Variants in ZNF407 observed in about 807,000 individuals in gnomAD.
The protein encoded by ZNF407 is zinc finger protein 407.
Under a neutral mutation model 131.2 loss-of-function variants are expected in ZNF407, and 17 were observed. The observed-to-expected ratio is 0.13, with a 90% CI of 0.09 to 0.19. The LOEUF (loss-of-function observed/expected upper bound fraction) is 0.19. ZNF407 is among the 10% of genes least tolerant of loss of function. The pLI, the probability that ZNF407 is intolerant of heterozygous loss-of-function variation, is 1.00. For synonymous variants in ZNF407, 1,156 were observed against 1,062.0 expected, an observed-to-expected ratio of 1.09 and a Z score of -1.72; for missense variants, 2,681 against 2,830.6, an observed-to-expected ratio of 0.95 and a Z score of 1.20.
intron 8 of ZNF407, among the ~76,000 whole-genome samples, chr18:74,985,555 G>A (rs986715386): frequency 5.3e-5 from 8 of 152,198 alleles, no homozygotes; most frequent in African/African-American, 1.9e-4. Flanking sequence ...AGGAAAGCCA[G>A]TCTTCCAACT....
chr18:74,841,445 T>C (rs979645401), intron 4 of ZNF407, among the ~76,000 whole-genome samples: 2 of 152,132 alleles, frequency 1.3e-5, no homozygotes, highest in South Asian at 2.1e-4. Flanking sequence ...GAATTTAAAG[T>C]TGGCGGTACT....
Position 75,048,299 on chromosome 18 carries a change from G to T in ZNF407, c.5429-14851G>T, listed in dbSNP as rs1205696535. Among the ~76,000 whole-genome samples, 1 of 152,186 alleles carries T rather than the reference G, an allele frequency of 6.6e-6. No individual in the cohort carries two copies. The highest frequency in any genetic ancestry group is 2.1e-4 in the South Asian group (1 of 4,826). On this transcript the variant is annotated intron_variant, in intron 8 of 8. Transcript: ENST00000299687. This position sits in a 1 kb window ranked among gnomAD's most constrained non-coding sequence, Gnocchi z 4.1. ...CAGAGGCCTAATTTTTGTCTACATG[G>T]TATTTCTTTTTGGCATTTGCCATGG...
Position 74,826,847 on chromosome 18 carries a change from C to T in ZNF407, c.4877+45345C>T, listed in dbSNP as rs148933205. 3.0e-4 allele frequency among the ~76,000 whole-genome samples: 46 copies of T among 152,322 alleles called. 1 individual carries two copies. In the East Asian group the frequency reaches 8.9e-3, roughly 29 times the overall value. ...AATTCCCCGTCTCTGTGCTGTGGAA[C>T]AGGGCAGACAAGATCATTTTCAAAC... On this transcript the variant is annotated intron_variant, in intron 4 of 8. Coordinates refer to ENST00000299687, the MANE Select transcript of ZNF407 (RefSeq NM_017757.3).
At chr18:74,763,474 T>G (rs1410794651) in intron 3 of ZNF407, among the ~76,000 whole-genome samples, 1 of 151,512 alleles carries the variant, frequency 6.6e-6, no homozygotes, top group Non-Finnish European at 1.5e-5. Flanking sequence ...AGTTTTGCTT[T>G]TTGTGTAATA....
At chr18:74,752,806 C>T (rs529072526) in intron 3 of ZNF407, among the ~76,000 whole-genome samples, 27 of 152,228 alleles carry the variant, frequency 1.8e-4, no homozygotes, top group Admixed American at 1.8e-3. Context: ...AGCTAGGTAG[C>T]GTGATGCCTC....
chr18:74,715,981 C>G (rs985202856), intron 3 of ZNF407, among the ~76,000 whole-genome samples: 1 of 152,136 alleles, frequency 6.6e-6, no homozygotes, highest in Non-Finnish European at 1.5e-5. Context: ...TCCATTATTT[C>G]CCATCCGTAA....
intron 1 of ZNF407, among the ~76,000 whole-genome samples, chr18:74,603,613 C>G (rs1982676172): frequency 6.6e-6 from 1 of 152,230 alleles, no homozygotes; most frequent in Admixed American, 6.5e-5. Context: ...CTCCTAGAAG[C>G]TCAGTCTGTT....
At chr18:74,759,867 A>G (rs984684928) in intron 3 of ZNF407, among the ~76,000 whole-genome samples, 2 of 143,968 alleles carry the variant, frequency 1.4e-5, no homozygotes, top group Non-Finnish European at 3.0e-5. Flanking sequence ...TAGCAGTCTT[A>G]TCTGGGATTT....
chr18:74,899,896 C>T (rs1971500588), intron 7 of ZNF407, among the ~76,000 whole-genome samples: 1 of 152,176 alleles, frequency 6.6e-6, no homozygotes, highest in African/African-American at 2.4e-5. Flanking sequence ...GATAAGCTTG[C>T]CTTTTGCCTG....
chr18:74,779,860 C>G (rs534200703), intron 3 of ZNF407, among the ~76,000 whole-genome samples: 5 of 151,990 alleles, frequency 3.3e-5, no homozygotes, highest in African/African-American at 1.2e-4. Flanking sequence ...GGGTTTTTAA[C>G]CTTTGCTCTT....
At chr18:75,027,464 A>G (rs1225142223) in intron 8 of ZNF407, among the ~76,000 whole-genome samples, 2 of 152,230 alleles carry the variant, frequency 1.3e-5, no homozygotes, top group African/African-American at 4.8e-5. Context: ...GTCTAGGCTA[A>G]GAGTGTAGCC....
chr18:75,004,146 T>A (rs1296477340), intron 8 of ZNF407, among the ~76,000 whole-genome samples: 1 of 152,216 alleles, frequency 6.6e-6, no homozygotes, highest in African/African-American at 2.4e-5. Flanking sequence ...GAGTCTTTCC[T>A]GCTCAGTTTG....
In ZNF407 at chr18:75,065,231, A is replaced by G. The variant is rs1973698860; in HGVS notation, c.*763A>G. 6.6e-6 allele frequency: 1 copy of G among 152,288 alleles called. No homozygotes were observed. 9.4% of individuals were successfully genotyped at this position (152,288 alleles called of 1,614,324 possible). On this transcript the variant is annotated 3_prime_UTR_variant, in exon 9 of 9. Transcript: ENST00000299687. ...TAGCCAGTGCTTCTAATTTTGACTT[A>G]GTTTCATACAGTAAAGCCTAAATGT...
rs474793 is a variant in ZNF407, at chr18:74,664,518, A to G, written c.4802+23396A>G. ...TCAAAAACAAACAAACAAACAAACA[A>G]AAGGACATTTTTCTATGCCCAAACC... On this transcript the variant is annotated intron_variant, in intron 3 of 8. Transcript: ENST00000299687. Among the ~76,000 whole-genome samples, 1,083 of 152,208 alleles carry G rather than the reference A, an allele frequency of 7.1e-3. 11 individuals carry two copies. Among genetic ancestry groups the G allele is most frequent in the Middle Eastern group, 0.031 (9 of 294 alleles).
At chr18:74,908,062 C>G (rs1971620248) in intron 7 of ZNF407, among the ~76,000 whole-genome samples, 1 of 152,022 alleles carries the variant, frequency 6.6e-6, no homozygotes, top group Non-Finnish European at 1.5e-5. Context: ...AGATTTTTAT[C>G]TTTTAAAAAA....
At chr18:75,039,179 C>T (rs1484836733) in intron 8 of ZNF407, among the ~76,000 whole-genome samples, 11 of 152,160 alleles carry the variant, frequency 7.2e-5, no homozygotes, top group Admixed American at 5.9e-4. Context: ...TTTTGCCTTA[C>T]GGAGCCCTAA....
chr18:74,975,249 G>A (rs1225950833), intron 8 of ZNF407, among the ~76,000 whole-genome samples: 2 of 152,152 alleles, frequency 1.3e-5, no homozygotes, highest in African/African-American at 4.8e-5. Flanking sequence ...GCTCAGCATT[G>A]GCTTGTACAG....
At chr18:74,659,828 T>C (rs1985635236) in intron 3 of ZNF407, among the ~76,000 whole-genome samples, 1 of 152,184 alleles carries the variant, frequency 6.6e-6, no homozygotes, top group South Asian at 2.1e-4. Context: ...GTAGCCTTTT[T>C]AAGGTTAAGG....
At chr18:74,950,440 T>G (rs982641178) in intron 8 of ZNF407, among the ~76,000 whole-genome samples, 2 of 152,178 alleles carry the variant, frequency 1.3e-5, no homozygotes, top group Non-Finnish European at 2.9e-5. Flanking sequence ...CAATGCCCTC[T>G]TGAACAGTAG....
Sources: gnomAD v4.1 joint callset for allele counts (sites outside exome capture counted in the v4.1 genomes callset) on GRCh38, gnomAD v4.1.1 for gene constraint, Gnocchi (gnomAD v3.1) non-coding constraint, MANE v1.5 for transcripts, NCBI Gene and HGNC (gene_info 2026-07-23, HGNC 2026-07-21) for gene names.